DYSF: variants seen among roughly 807,000 people sequenced by gnomAD.
DYSF encodes the protein dystrophy-associated fer-1-like 1.
Under a neutral mutation model 274.9 loss-of-function variants are expected in DYSF, and 212 were observed. The observed-to-expected ratio is 0.77, with a 90% confidence interval of 0.69 to 0.86. DYSF has a LOEUF of 0.86. DYSF is among the 40% of genes least tolerant of loss of function. DYSF has a pLI of 0.00. For missense variants in DYSF, 2,666 were observed against 2,783.2 expected (o/e 0.96, Z 0.95); for synonymous variants, 1,091 against 1,078.7 (o/e 1.01, Z -0.22).
intron 47 of DYSF, 37 bp from the exon 48 acceptor site, chr2:71,667,339 C>T (rs2095033146): frequency 1.2e-6 from 2 of 1,613,776 alleles, no homozygotes; most frequent in Non-Finnish European, 1.7e-6. Flanking sequence ...CTCGCTTCCC[C>T]AGCTCCTGCA....
rs760685520 is a variant in DYSF, at chr2:71,679,230, C to T, written c.6058C>T (p.Leu2020=). The part of the protein sequence containing the change: ...CVAEEGEKKI[L]AGKLEMTLEI... ...AGCAGAAGAGGGTGAGAAGAAAATA[C>T]TGGCGGTAAGTCTACTTCCTCCAGC... Residue 2020 remains leucine (L), a synonymous_variant, in exon 53 of 56, where the codon CTG becomes TTG. Coordinates refer to ENST00000410020, the MANE Select transcript of DYSF (RefSeq NM_001130987.2). 5.6e-6 allele frequency: 9 copies of T among 1,613,992 alleles called. No individual in the cohort carries two copies. In the Admixed American group the frequency reaches 8.3e-5, roughly 15 times the overall value.
chr2:71,563,844 A>ATG (rs2091928974), intron 23 of DYSF, among the ~76,000 whole-genome samples: 1 of 152,210 alleles, frequency 6.6e-6, no homozygotes, highest in South Asian at 2.1e-4. Context: ...GGGCAGCCTT[A>ATG]TGCTCTGTTC....
Position 71,588,219 on chromosome 2 carries a change from G to A in DYSF, c.3403-1374G>A, listed in dbSNP as rs527912884. On this transcript the variant is annotated intron_variant, in intron 30 of 55. Transcript: ENST00000410020. Reference sequence around the variant, plus strand: ...ATGGGGAAAGATAGGGCGGGTCACTGGGGGTCTGAATGGGAGAAGGCTGGA... The same window carrying A: ...ATGGGGAAAGATAGGGCGGGTCACTAGGGGTCTGAATGGGAGAAGGCTGGA... Among the ~76,000 whole-genome samples the A allele has an allele frequency of 1.6e-4, 24 of 152,316 alleles. No individual in the cohort carries two copies. The South Asian group carries it at 4.1e-3, about 26-fold the overall frequency.
chr2:71,493,039 G>A (rs545318943), intron 3 of DYSF, among the ~76,000 whole-genome samples: 1 of 147,620 alleles, frequency 6.8e-6, no homozygotes, highest in African/African-American at 2.5e-5. Flanking sequence ...AAGCCACCTC[G>A]TCTGGCTAAT....
chr2:71,453,653 C>T (rs1278439169), exon 1 of DYSF: 1 of 366,066 alleles, frequency 2.7e-6, no homozygotes, highest in Non-Finnish European at 5.3e-6. Context: ...TGCAAAATGC[C>T]GTGTCATTGG....
rs181542285 is a variant in DYSF at position 71,583,666 on chromosome 2, G to T, written c.3403-5927G>T. Among the ~76,000 whole-genome samples the T allele has an allele frequency of 5.9e-5, 9 of 152,310 alleles. No homozygotes were observed. The East Asian group carries it at 9.7e-4, about 16-fold the overall frequency. On this transcript the variant is annotated intron_variant, in intron 30 of 55. Coordinates refer to ENST00000410020, the MANE Select transcript of DYSF (RefSeq NM_001130987.2). ...AGACCAAGGCACCATTGCAAACAGAGGGTCTGCAGACAGAGGGCACAGACA... is the reference window on the plus strand; with the variant it reads ...AGACCAAGGCACCATTGCAAACAGATGGTCTGCAGACAGAGGGCACAGACA...
intron 17 of DYSF, among the ~76,000 whole-genome samples, chr2:71,542,680 C>T (rs538548769): frequency 1.1e-4 from 17 of 152,172 alleles, no homozygotes; most frequent in Admixed American, 2.6e-4. Flanking sequence ...CAGAGAGCAC[C>T]GGGTTGGGGG....
Position 71,480,898 on chromosome 2 carries a change from C to T in DYSF, c.107C>T (p.Thr36Ile). The T allele has an allele frequency of 2.5e-6, 4 of 1,614,070 alleles. No individual in the cohort carries two copies. Among genetic ancestry groups the T allele is most frequent in the Non-Finnish European group, 3.4e-6 (4 of 1,179,952 alleles). The change falls in exon 2 of 56, where the codon ACC becomes ATC. Residue 36 changes from threonine to isoleucine, a missense_variant. Transcript: ENST00000410020. ...SLTFRGVKKR[T>I]KVIKNSVNPV... ...TCTCTTGTAGGGGTGAAGAAGAGAA[C>T]CAAAGTCATCAAGAACAGCGTGAAC...
At chr2:71,613,210 C>T (rs953403796) in intron 39 of DYSF, 124 bp from the exon 40 acceptor site, 26 of 828,044 alleles carry the variant, frequency 3.1e-5, no homozygotes, top group South Asian at 1.2e-4. Flanking sequence ...AGAGAGATAC[C>T]GACTGAGAAA....
chr2:71,604,968 C>T (rs1395571191), intron 36 of DYSF, among the ~76,000 whole-genome samples: 3 of 152,236 alleles, frequency 2.0e-5, no homozygotes, highest in Admixed American at 6.5e-5. Flanking sequence ...TTCCCCTCTC[C>T]CAGGCTTTAT....
chr2:71,640,740 C>T (rs1472011766), intron 41 of DYSF, among the ~76,000 whole-genome samples: 3 of 148,274 alleles, frequency 2.0e-5, no homozygotes, highest in Admixed American at 6.7e-5. Flanking sequence ...GAGATTAATC[C>T]GTGTGTGTGT....
At chr2:71,577,698 C>A (rs976326751) in intron 30 of DYSF, among the ~76,000 whole-genome samples, 2 of 152,064 alleles carry the variant, frequency 1.3e-5, no homozygotes, top group African/African-American at 4.8e-5. Flanking sequence ...ACTCACACTC[C>A]CCCTCCACAG....
At chr2:71,462,437 C>T (rs930973325), upstream of DYSF, among the ~76,000 whole-genome samples, 1 of 152,082 alleles carries the variant, frequency 6.6e-6, no homozygotes, top group Non-Finnish European at 1.5e-5. Flanking sequence ...GGTCTGGGCT[C>T]CCCAAAGTGC....
At chr2:71,595,654 G>A (rs1471174126) in intron 32 of DYSF, among the ~76,000 whole-genome samples, 2 of 152,208 alleles carry the variant, frequency 1.3e-5, no homozygotes, top group African/African-American at 4.8e-5. Flanking sequence ...CTGAGGCCTG[G>A]TGATAGGTCC....
intron 30 of DYSF, among the ~76,000 whole-genome samples, chr2:71,584,033 C>T (rs991807879): frequency 2.0e-5 from 3 of 152,230 alleles, no homozygotes; most frequent in African/African-American, 7.2e-5. Context: ...ACACAGCTAG[C>T]CCAAGATGGA....
At chr2:71,504,338 G>A (rs1004519137) in intron 4 of DYSF, among the ~76,000 whole-genome samples, 2 of 152,144 alleles carry the variant, frequency 1.3e-5, no homozygotes, top group African/African-American at 4.8e-5. Flanking sequence ...CTTAGGCTGG[G>A]GATGGCTGGG....
intron 6 of DYSF, 33 bp from the exon 7 acceptor site, chr2:71,513,683 G>C (rs2086343038): frequency 1.2e-6 from 2 of 1,607,384 alleles, no homozygotes. Context: ...GGGCCAGAGG[G>C]ATCCAGGCCT....
At chr2:71,551,197 G>A (rs1559137032) in intron 18 of DYSF, 41 bp downstream of exon 18, 2 of 1,601,862 alleles carry the variant, frequency 1.2e-6, no homozygotes, top group Non-Finnish European at 1.7e-6. Context: ...GATGCCAGAT[G>A]CCCAGGTCCC....
At chr2:71,454,181 A>T in intron 1 of DYSF, 1 of 1,268,228 alleles carries the variant, frequency 7.9e-7, no homozygotes, top group South Asian at 1.3e-5. Context: ...GAGCTGAGAG[A>T]CAGGAGACTT....
Sources: gnomAD v4.1 joint callset for allele counts (sites outside exome capture counted in the v4.1 genomes callset) on GRCh38, gnomAD v4.1.1 for gene constraint, MANE v1.5 for transcripts, NCBI Gene and HGNC (gene_info 2026-07-23, HGNC 2026-07-21) for gene names.